ATAT1: variants seen among roughly 807,000 people sequenced by gnomAD.
ATAT1 encodes the protein alpha-tubulin N-acetyltransferase 1.
In ATAT1, 42 loss-of-function variants were observed where a neutral mutation model predicts 57.2. That is an observed-to-expected ratio of 0.73 (90% CI 0.57 to 0.95). ATAT1 has a LOEUF of 0.95. Among genes scored for constraint, ATAT1 ranks in the 40% least tolerant of loss-of-function variants. ATAT1 has a pLI of 0.00. For missense variants in ATAT1, 454 were observed against 523.7 expected (o/e 0.87, Z 1.30); for synonymous variants, 168 against 187.1 (o/e 0.90, Z 0.83).
At chr6:30,630,886 C>T (rs555393492) in intron 6 of ATAT1, among the ~76,000 whole-genome samples, 4 of 151,332 alleles carry the variant, frequency 2.6e-5, no homozygotes, top group East Asian at 2.0e-4. Flanking sequence ...TACAGTGAGC[C>T]GAGGTCCTGC....
chr6:30,640,240 G>A, intron 6 of ATAT1, 137 bp from the exon 7 acceptor site: 2 of 874,508 alleles, frequency 2.3e-6, no homozygotes, highest in South Asian at 3.0e-5. Flanking sequence ...TGGGTGTGTT[G>A]TAGGCTATAG....
At chr6:30,646,009 T>G (rs1397429238) in intron 11 of ATAT1, 35 bp downstream of exon 11, 4 of 1,604,356 alleles carry the variant, frequency 2.5e-6, no homozygotes, top group Non-Finnish European at 3.4e-6. Flanking sequence ...TCAAATCAAG[T>G]AGGCCACATT....
Position 30,627,455 on chromosome 6 carries a change from T to C in ATAT1, c.72-5T>C. ...TCTGACTCTTTATTTCTTCTCTTTCTCTAGTGTTGATCTACAGCAGCAAAT... is the reference window on the plus strand; with the variant it reads ...TCTGACTCTTTATTTCTTCTCTTTCCCTAGTGTTGATCTACAGCAGCAAAT... On this transcript the variant is annotated splice_polypyrimidine_tract_variant and splice_region_variant and intron_variant, in intron 1 of 12. Coordinates refer to ENST00000330083, the MANE Select transcript of ATAT1 (RefSeq NM_001031722.4). 1 of 1,613,098 alleles carries C rather than the reference T, an allele frequency of 6.2e-7. No individual in the cohort carries two copies. The highest frequency in any genetic ancestry group is 1.1e-5 in the South Asian group (1 of 91,068).
chr6:30,640,011 T>G (rs925556362), intron 6 of ATAT1, among the ~76,000 whole-genome samples: 4 of 151,928 alleles, frequency 2.6e-5, no homozygotes, highest in African/African-American at 9.7e-5. Context: ...TGTGGTGGCA[T>G]GCACCTGTGG....
At position 30,644,725 on chromosome 6, in the gene ATAT1, C is replaced by T. The variant is rs562903608; in HGVS notation, c.933-1170C>T. The T allele has an allele frequency of 8.8e-6, 7 of 793,010 alleles. No individual in the cohort carries two copies. In the Admixed American group the frequency reaches 4.4e-4, roughly 49 times the overall value. 49.1% of individuals were successfully genotyped at this position (793,010 alleles called of 1,614,324 possible). A position where few individuals can be genotyped will look rare whatever the true frequency, so the allele number is the denominator to read the frequency against. On this transcript the variant is annotated intron_variant, in intron 10 of 12. Transcript: ENST00000330083. ...GTCATCCCTTATTTTCCTGGGATCT[C>T]AGGACCTCTGTCCCTCTCATTTCTC...
chr6:30,643,121 T>G (rs1012296457), intron 10 of ATAT1, 110 bp downstream of exon 10: 1 of 1,511,400 alleles, frequency 6.6e-7, no homozygotes, highest in Middle Eastern at 2.5e-4. Flanking sequence ...GATGGGTGGC[T>G]TGGGGGGGGT....
chr6:30,635,950 A>G (rs185158867), intron 6 of ATAT1, among the ~76,000 whole-genome samples: 3 of 152,246 alleles, frequency 2.0e-5, no homozygotes, highest in Non-Finnish European at 4.4e-5. Flanking sequence ...GAGAACAAAT[A>G]GCATTAGAAT....
chr6:30,629,717 T>C (rs1192496800), intron 6 of ATAT1, among the ~76,000 whole-genome samples: 1 of 152,176 alleles, frequency 6.6e-6, no homozygotes, highest in Non-Finnish European at 1.5e-5. Flanking sequence ...GCTAATTTTT[T>C]GTATTTTTAG....
At chr6:30,637,447 T>C (rs1379991045) in intron 6 of ATAT1, among the ~76,000 whole-genome samples, 1 of 151,808 alleles carries the variant, frequency 6.6e-6, no homozygotes, top group East Asian at 1.9e-4. Flanking sequence ...CACGGCTCAC[T>C]GCAGTCTCTA....
At chr6:30,637,342 C>T (rs552723816) in intron 6 of ATAT1, among the ~76,000 whole-genome samples, 1 of 151,984 alleles carries the variant, frequency 6.6e-6, no homozygotes, top group Non-Finnish European at 1.5e-5. Context: ...CACATTTGAA[C>T]CCATAGCCAT....
At chr6:30,630,735 C>T (rs973482067) in intron 6 of ATAT1, among the ~76,000 whole-genome samples, 3 of 151,516 alleles carry the variant, frequency 2.0e-5, no homozygotes, top group African/African-American at 4.9e-5. Context: ...ATCAGGAGTT[C>T]GAGATCAGCA....
chr6:30,642,832 A>AACCCCCCCCCCCCCCCCC lies in ATAT1; in HGVS notation c.753_754insACCCCCCCCCCCCCCCCC (p.Pro251_Ala252insThrProProProProPro). ...GGGCCCCTCGCCGCGCCACACCTCCAGCCCACCCACCCCCCCGCTCCAGCA... is the reference window on the plus strand; with the variant it reads ...GGGCCCCTCGCCGCGCCACACCTCCAACCCCCCCCCCCCCCCCCGCCCACCCACCCCCCCGCTCCAGCA... On this transcript the variant is annotated inframe_insertion, in exon 10 of 13. Transcript: ENST00000330083. The AACCCCCCCCCCCCCCCCC allele has an allele frequency of 1.6e-6, 2 of 1,230,748 alleles. No homozygotes were observed. Among genetic ancestry groups the AACCCCCCCCCCCCCCCCC allele is most frequent in the Non-Finnish European group, 1.1e-6 (1 of 892,688 alleles). 76.2% of individuals were successfully genotyped at this position (1,230,748 alleles called of 1,614,324 possible).
At chr6:30,631,789 C>CA (rs1297274700) in intron 6 of ATAT1, among the ~76,000 whole-genome samples, 12 of 148,800 alleles carry the variant, frequency 8.1e-5, no homozygotes, top group South Asian at 4.2e-4. Flanking sequence ...AACAAACAAA[C>CA]AAAAAAAAAG....
chr6:30,641,926 T>C, intron 8 of ATAT1: 1 of 1,312,128 alleles, frequency 7.6e-7, no homozygotes, highest in Admixed American at 3.3e-5. Flanking sequence ...GCCCCCAGAG[T>C]CTCCCCTTCG....
In ATAT1 at chr6:30,627,538, G is replaced by A; in HGVS notation, c.132+18G>A. On this transcript the variant is annotated intron_variant, in intron 2 of 12. Transcript: ENST00000330083. ...CTGCCAAGGTACTGGAGAGTTTTTA[G>A]ATGGAGTAAAGGGAGGACCTCTGTG... 1 of 1,611,470 alleles carries A rather than the reference G, an allele frequency of 6.2e-7. No homozygotes were observed. The highest frequency in any genetic ancestry group is 8.5e-7 in the Non-Finnish European group (1 of 1,178,404).
Position 30,642,199 on chromosome 6 carries a change from A to G in ATAT1, c.640A>G (p.Lys214Glu). 6.2e-7 allele frequency: 1 copy of G among 1,614,166 alleles called. No homozygotes were observed. The highest frequency in any genetic ancestry group is 8.5e-7 in the Non-Finnish European group (1 of 1,180,026). Residue 214 changes from lysine (K) to glutamate (E), a missense_variant, in exon 9 of 13, where the codon AAG (lysine) becomes GAG (glutamate). By Grantham distance (56) the Lys-to-Glu change is moderately conservative. Transcript: ENST00000330083. ...AGCTCCAGCAAGGAAGCTGCCACCC[A>G]AGAGAGCAGAGGGAGACATCAAGCC...
In ATAT1 at chr6:30,646,499, G is replaced by T. The variant is rs1302055252; in HGVS notation, c.1086G>T (p.Gln362His). Residue 362 changes from glutamine (Q) to histidine (H), a missense_variant, in exon 13 of 13, where the codon CAG (glutamine) becomes CAT (histidine). Coordinates refer to ENST00000330083, the MANE Select transcript of ATAT1 (RefSeq NM_001031722.4). ...CCAGTGAGGAGCAGGCCTTGTCACAGGATGGGTCTGGGGAGAAGCCCATGC... is the reference window on the plus strand; with the variant it reads ...CCAGTGAGGAGCAGGCCTTGTCACATGATGGGTCTGGGGAGAAGCCCATGC... 6.3e-7 allele frequency: 1 copy of T among 1,597,104 alleles called. No homozygotes were observed. The highest frequency in any genetic ancestry group is 1.7e-5 in the Admixed American group (1 of 58,018).
At chr6:30,634,847 G>T (rs1763716741) in intron 6 of ATAT1, among the ~76,000 whole-genome samples, 1 of 151,940 alleles carries the variant, frequency 6.6e-6, no homozygotes, top group African/African-American at 2.4e-5. Context: ...AATTAGCCAG[G>T]CGTGGTGGCG....
chr6:30,643,433 TCC>T, intron 10 of ATAT1: 1 of 1,530,816 alleles, frequency 6.5e-7, no homozygotes, highest in South Asian at 1.2e-5. Flanking sequence ...TTTATTTCTC[TCC>T]CTTTCTCTTC....
Sources: allele counts gnomAD v4.1 joint callset (sites outside exome capture counted in the v4.1 genomes callset), GRCh38; gene constraint gnomAD v4.1.1; transcripts MANE v1.5; gene names NCBI Gene and HGNC (gene_info 2026-07-23, HGNC 2026-07-21).